Variants in FGF1 observed in about 807,000 individuals in gnomAD.
FGF1 encodes the protein beta-endothelial cell growth factor.
FGF1 carries 9 observed loss-of-function variants against 13.4 expected under a neutral mutation model. The observed-to-expected ratio is 0.67, with a 90% confidence interval of 0.40 to 1.17. The LOEUF (loss-of-function observed/expected upper bound fraction) is 1.17. FGF1 is among the 50% of genes most tolerant of loss of function. The pLI, the probability that FGF1 is intolerant of heterozygous loss-of-function variation, is 0.01. For missense variants in FGF1, 156 were observed against 192.7 expected (o/e 0.81, Z 1.13); for synonymous variants, 93 against 79.0 (o/e 1.18, Z -0.94).
intron 1 of FGF1, among the ~76,000 whole-genome samples, chr5:142,656,399 C>CA (rs1390246566): frequency 6.6e-6 from 1 of 152,184 alleles, no homozygotes; most frequent in Non-Finnish European, 1.5e-5. Context: ...TTTCCATTTA[C>CA]ATGCCTCCTT....
chr5:142,677,203 T>A (rs1348584761), intron 1 of FGF1, among the ~76,000 whole-genome samples: 2 of 152,244 alleles, frequency 1.3e-5, no homozygotes, highest in Non-Finnish European at 2.9e-5. Context: ...AAGCTCTTTA[T>A]GTCCTTAAAG....
chr5:142,674,224 G>A (rs1772047063), intron 1 of FGF1, among the ~76,000 whole-genome samples: 1 of 152,164 alleles, frequency 6.6e-6, no homozygotes, highest in Non-Finnish European at 1.5e-5. Flanking sequence ...TGTTGACTTG[G>A]TTTATTTCTT....
At chr5:142,652,527 G>A (rs1767439680) in intron 1 of FGF1, among the ~76,000 whole-genome samples, 1 of 152,172 alleles carries the variant, frequency 6.6e-6, no homozygotes, top group Non-Finnish European at 1.5e-5. Flanking sequence ...GACCCTGTGA[G>A]CTAATTACCC....
At chr5:142,650,562 T>C (rs1232590028) in intron 1 of FGF1, among the ~76,000 whole-genome samples, 1 of 152,142 alleles carries the variant, frequency 6.6e-6, no homozygotes, top group African/African-American at 2.4e-5. Context: ...GAACCTAAAC[T>C]TCTTAAGTGG....
intron 1 of FGF1, among the ~76,000 whole-genome samples, chr5:142,669,604 G>T (rs1405382651): frequency 6.6e-6 from 1 of 151,882 alleles, no homozygotes. Context: ...TTTACTGAGA[G>T]AATGGACGCA....
intron 1 of FGF1, among the ~76,000 whole-genome samples, chr5:142,668,363 A>G (rs1770833797): frequency 6.6e-6 from 1 of 151,996 alleles, no homozygotes; most frequent in South Asian, 2.1e-4. Context: ...GGTGTAGGAG[A>G]AAATGTGGTC....
At chr5:142,647,776 G>C (rs935596697) in intron 1 of FGF1, among the ~76,000 whole-genome samples, 1 of 152,106 alleles carries the variant, frequency 6.6e-6, no homozygotes, top group African/African-American at 2.4e-5. Flanking sequence ...TCATGTCAGT[G>C]CTTAAAAATT....
chr5:142,625,441 A>G (rs1036570583), intron 1 of FGF1, among the ~76,000 whole-genome samples: 1 of 152,136 alleles, frequency 6.6e-6, no homozygotes, highest in Non-Finnish European at 1.5e-5. Flanking sequence ...ACTCCCCCTC[A>G]TAGAGCATCA....
intron 1 of FGF1, among the ~76,000 whole-genome samples, chr5:142,644,475 C>T (rs1163473640): frequency 6.6e-6 from 1 of 152,074 alleles, no homozygotes; most frequent in East Asian, 1.9e-4. Context: ...TGGACCATTC[C>T]TGCAGTGTGA....
At position 142,592,561 on chromosome 5, in the gene FGF1, C is replaced by T. The variant is rs1754464096; in HGVS notation, c.*2729G>A. 2 of 397,386 alleles carry T rather than the reference C, an allele frequency of 5.0e-6. No individual in the cohort carries two copies. The highest frequency in any genetic ancestry group is 8.9e-6 in the Non-Finnish European group (2 of 225,578). The allele number at this position is 397,386 out of a possible 1,614,324, so 24.6% of individuals were successfully genotyped here. A position where few individuals can be genotyped will look rare whatever the true frequency, so the allele number is the denominator to read the frequency against. On this transcript the variant is annotated 3_prime_UTR_variant, in exon 4 of 4. Coordinates refer to ENST00000337706, the MANE Select transcript of FGF1 (RefSeq NM_000800.5). Reference sequence around the variant, plus strand: ...CCCGAAAATGAATCCATATGAGAGTCACGTGACAGGAGCTGGCTATGAGAC... The same window carrying T: ...CCCGAAAATGAATCCATATGAGAGTTACGTGACAGGAGCTGGCTATGAGAC...
intron 1 of FGF1, among the ~76,000 whole-genome samples, chr5:142,684,158 T>G (rs1331775240): frequency 6.6e-6 from 1 of 152,210 alleles, no homozygotes; most frequent in Non-Finnish European, 1.5e-5. Flanking sequence ...CCTAATAGTT[T>G]ATGTGTAGTT....
chr5:142,599,750 A>G (rs895925433), intron 3 of FGF1, among the ~76,000 whole-genome samples: 1 of 152,182 alleles, frequency 6.6e-6, no homozygotes, highest in African/African-American at 2.4e-5. Flanking sequence ...ACATGGTCAA[A>G]CCTGTATAAA....
intron 1 of FGF1, among the ~76,000 whole-genome samples, chr5:142,666,274 T>C (rs1190244493): frequency 8.7e-5 from 10 of 115,256 alleles, no homozygotes; most frequent in Non-Finnish European, 1.3e-4. Flanking sequence ...CTAAGGAGCA[T>C]GTAATACACA....
At chr5:142,628,761 G>A (rs533747663) in intron 1 of FGF1, among the ~76,000 whole-genome samples, 1 of 152,298 alleles carries the variant, frequency 6.6e-6, no homozygotes, top group South Asian at 2.1e-4. Context: ...GTTGGGCGGG[G>A]TTGTTTGAAA....
At chr5:142,677,989 A>G (rs1175122510) in intron 1 of FGF1, among the ~76,000 whole-genome samples, 1 of 152,180 alleles carries the variant, frequency 6.6e-6, no homozygotes, top group Non-Finnish European at 1.5e-5. Flanking sequence ...AAGGATGGAA[A>G]GAGGCCTGCT....
At chr5:142,625,128 A>AC (rs1175674018) in intron 1 of FGF1, among the ~76,000 whole-genome samples, 1 of 152,162 alleles carries the variant, frequency 6.6e-6, no homozygotes, top group Non-Finnish European at 1.5e-5. Flanking sequence ...TGCTGCCTTT[A>AC]AGGAGTTTAC....
intron 1 of FGF1, among the ~76,000 whole-genome samples, chr5:142,667,772 T>C (rs1770711234): frequency 6.6e-6 from 1 of 152,128 alleles, no homozygotes; most frequent in African/African-American, 2.4e-5. Flanking sequence ...CTGGACTCTG[T>C]TCCTCCAGGC....
At chr5:142,680,224 A>G (rs1773451359) in intron 1 of FGF1, among the ~76,000 whole-genome samples, 1 of 152,236 alleles carries the variant, frequency 6.6e-6, no homozygotes, top group Non-Finnish European at 1.5e-5. Flanking sequence ...GGGGGTGGAC[A>G]CAACTCAACC....
intron 2 of FGF1, among the ~76,000 whole-genome samples, chr5:142,605,848 G>A (rs1757539768): frequency 6.6e-6 from 1 of 152,160 alleles, no homozygotes; most frequent in Non-Finnish European, 1.5e-5. Context: ...TCTCTAGTGT[G>A]ACTTCATTCC....
Sources: gnomAD v4.1 joint callset for allele counts (sites outside exome capture counted in the v4.1 genomes callset) on GRCh38, gnomAD v4.1.1 for gene constraint, MANE v1.5 for transcripts, NCBI Gene and HGNC (gene_info 2026-07-23, HGNC 2026-07-21) for gene names.